The following NBEA variants were observed in gnomAD, a reference collection of about 807,000 sequenced individuals.
The protein encoded by NBEA is lysosomal-trafficking regulator 2.
In NBEA, 44 loss-of-function variants were observed where a neutral mutation model predicts 343.4. The ratio of observed to expected loss-of-function variants is 0.13; its 90% CI spans 0.10 to 0.16. The LOEUF is 0.16. Among genes scored for constraint, NBEA ranks in the 10% least tolerant of loss-of-function variants. The pLI is 1.00. For synonymous variants in NBEA, 1,175 were observed against 1,238.7 expected (o/e 0.95, Z 1.08); for missense variants, 2,555 against 3,631.3 (o/e 0.70, Z 7.62).
intron 58 of NBEA, among the ~76,000 whole-genome samples, chr13:35,668,899 C>T (rs990213358): frequency 6.6e-6 from 1 of 152,200 alleles, no homozygotes; most frequent in Non-Finnish European, 1.5e-5. Context: ...CAGTGTGAGA[C>T]CTACTTCTTG....
At chr13:35,377,872 TA>T (rs908932997) in intron 38 of NBEA, among the ~76,000 whole-genome samples, 6 of 152,204 alleles carry the variant, frequency 3.9e-5, no homozygotes, top group Non-Finnish European at 7.4e-5. Context: ...CACAGGTACA[TA>T]AGCTTACTCC....
chr13:34,948,176 A>C (rs2059245929), intron 1 of NBEA, among the ~76,000 whole-genome samples: 1 of 152,228 alleles, frequency 6.6e-6, no homozygotes, highest in Non-Finnish European at 1.5e-5. Context: ...GTGGTACCTC[A>C]GTTTTCCTTT....
intron 23 of NBEA, among the ~76,000 whole-genome samples, chr13:35,163,617 CAAA>C (rs56961670): frequency 8.0e-6 from 1 of 125,538 alleles, no homozygotes; most frequent in African/African-American, 2.8e-5. Flanking sequence ...GATCCTTTCT[CAAA>C]AAAAAAAAAA....
intron 38 of NBEA, among the ~76,000 whole-genome samples, chr13:35,391,080 G>A (rs920577117): frequency 6.6e-5 from 10 of 152,044 alleles, no homozygotes; most frequent in East Asian, 3.9e-4. Context: ...TTCAAGACCA[G>A]CCTGGCCAAC....
chr13:34,975,394 A>G lies in NBEA; in HGVS notation c.294+32280A>G, dbSNP rs747930938. 2.0e-5 allele frequency among the ~76,000 whole-genome samples: 3 copies of G among 152,220 alleles called. No homozygotes were observed. In the South Asian group the frequency reaches 6.2e-4, roughly 32 times the overall value. On this transcript the variant is annotated intron_variant, in intron 1 of 58. Transcript: ENST00000379939. Reference sequence around the variant, plus strand: ...CCTATTCAACAGATGGTGCTGGGATAATTGACAAGCCACATGTAGAAGAAT... The same window carrying G: ...CCTATTCAACAGATGGTGCTGGGATGATTGACAAGCCACATGTAGAAGAAT...
At chr13:35,529,138 A>T (rs1169143386) in intron 41 of NBEA, among the ~76,000 whole-genome samples, 2 of 152,158 alleles carry the variant, frequency 1.3e-5, no homozygotes, top group Non-Finnish European at 2.9e-5. Context: ...GGCAGACATG[A>T]TTTTCACCAT....
At chr13:35,625,670 G>C (rs1013229328) in intron 48 of NBEA, among the ~76,000 whole-genome samples, 1 of 151,662 alleles carries the variant, frequency 6.6e-6, no homozygotes, top group Non-Finnish European at 1.5e-5. Flanking sequence ...ACAATATAAA[G>C]ACAAGAACCT....
chr13:35,648,915 G>A (rs1483213088), intron 51 of NBEA, among the ~76,000 whole-genome samples: 2 of 152,084 alleles, frequency 1.3e-5, no homozygotes, highest in Non-Finnish European at 2.9e-5. Flanking sequence ...TGTATGCAGG[G>A]CTTACTACCA....
chr13:35,316,228 A>G (rs2037705202), intron 36 of NBEA, among the ~76,000 whole-genome samples: 1 of 152,082 alleles, frequency 6.6e-6, no homozygotes, highest in Admixed American at 6.6e-5. Flanking sequence ...CATCCACATT[A>G]GGTATTTCTC....
At chr13:34,977,252 T>C (rs937836526) in intron 1 of NBEA, among the ~76,000 whole-genome samples, 1 of 151,450 alleles carries the variant, frequency 6.6e-6, no homozygotes, top group African/African-American at 2.4e-5. Context: ...ACCTATTACC[T>C]TTGCTTATAT....
In NBEA at chr13:35,655,716, C is replaced by T. The variant is rs1287362874; in HGVS notation, c.8329C>T (p.Arg2777Trp). 5 of 1,613,586 alleles carry T rather than the reference C, an allele frequency of 3.1e-6. No homozygotes were observed. The highest frequency in any genetic ancestry group is 3.4e-6 in the Non-Finnish European group (4 of 1,179,756). Residue 2777 changes from arginine (R) to tryptophan (W), a missense_variant, in exon 55 of 59, where the codon CGG (arginine) becomes TGG (tryptophan). Physicochemically the swap from Arg to Trp is moderately radical, Grantham distance 101. This residue lies in a region of NBEA where 186 missense variants were observed against 328.9 expected (regional missense o/e 0.57). Coordinates refer to ENST00000379939, the MANE Select transcript of NBEA (RefSeq NM_001385012.1). ...CCTGCTGCTCTGGTACTGGAGTGGG[C>T]GGCACCATATCATAGGAGACAACCC... Reference protein sequence around the residue: ...ATLLLWYWSGRHHIIGDNPNS... With the variant: ...ATLLLWYWSGWHHIIGDNPNS...
rs768331454 is a variant in NBEA at position 35,169,077 on chromosome 13, A to G, written c.4242+82A>G. ...TATTTATGAAATTTTTGACTTGGTT[A>G]TATTTTGAGTTTTCATATCATCTTT... On this transcript the variant is annotated intron_variant, in intron 25 of 58. Transcript: ENST00000379939. 3.2e-5 allele frequency: 35 copies of G among 1,099,544 alleles called. No individual in the cohort carries two copies. The African/African-American group carries it at 4.5e-4, about 14-fold the overall frequency. The allele number at this position is 1,099,544 out of a possible 1,614,324, so 68.1% of individuals were successfully genotyped here.
chr13:35,398,233 A>T (rs1271576723), intron 38 of NBEA, among the ~76,000 whole-genome samples: 1 of 152,088 alleles, frequency 6.6e-6, no homozygotes, highest in Admixed American at 6.6e-5. Context: ...TGCTATTTCC[A>T]CTATATCTGC....
At chr13:35,532,531 A>T (rs1447234274) in intron 41 of NBEA, among the ~76,000 whole-genome samples, 1 of 151,376 alleles carries the variant, frequency 6.6e-6, no homozygotes, top group Non-Finnish European at 1.5e-5. Context: ...AAATACTTTG[A>T]TTGTGCAGTC....
chr13:35,017,586 G>T (rs1237279399), intron 1 of NBEA, among the ~76,000 whole-genome samples: 2 of 152,040 alleles, frequency 1.3e-5, no homozygotes, highest in Non-Finnish European at 2.9e-5. Flanking sequence ...TTTTCCATGT[G>T]CTTACAGAAC....
At chr13:35,541,738 G>A (rs1383094891) in intron 41 of NBEA, among the ~76,000 whole-genome samples, 1 of 151,340 alleles carries the variant, frequency 6.6e-6, no homozygotes, top group African/African-American at 2.4e-5. Flanking sequence ...GTGTGTGTGT[G>A]TGTGTGTGTG....
chr13:35,094,122 A>G (rs2065217440), intron 10 of NBEA, among the ~76,000 whole-genome samples: 2 of 151,988 alleles, frequency 1.3e-5, no homozygotes, highest in African/African-American at 2.4e-5. Context: ...AAAATACGCT[A>G]TACAACATAA....
rs1593462032 is a variant in NBEA at position 35,013,352 on chromosome 13, A to G, written c.295-27581A>G. Among the ~76,000 whole-genome samples the G allele has an allele frequency of 2.6e-5, 4 of 152,342 alleles. 1 individual carries two copies. Among genetic ancestry groups the G allele is most frequent in the African/African-American group, 9.6e-5 (4 of 41,582 alleles). ...ATTTTACAAAATTTGTGGAATAGGA[A>G]AAAATATAAAGATAAATGGAAAAGA... On this transcript the variant is annotated intron_variant, in intron 1 of 58. Coordinates refer to ENST00000379939, the MANE Select transcript of NBEA (RefSeq NM_001385012.1).
chr13:35,422,108 A>G (rs1331480007), intron 38 of NBEA, among the ~76,000 whole-genome samples: 2 of 102,646 alleles, frequency 1.9e-5, no homozygotes, highest in Admixed American at 1.0e-4. Flanking sequence ...TTTTTTTTTT[A>G]GATTCTTCGT....
Sources: gnomAD v4.1 joint callset for allele counts (sites outside exome capture counted in the v4.1 genomes callset) on GRCh38, gnomAD v4.1.1 for gene constraint, gnomAD v4.1.1 regional missense constraint, MANE v1.5 for transcripts, NCBI Gene and HGNC (gene_info 2026-07-23, HGNC 2026-07-21) for gene names.